Variants in DARS1 observed in about 807,000 individuals in gnomAD.
DARS1 encodes aspartyl-tRNA synthetase 1, also known as aspartate--tRNA ligase, cytoplasmic.
DARS1 carries 51 observed loss-of-function variants against 68.8 expected under a neutral mutation model. The observed-to-expected ratio is 0.74, with a 90% CI of 0.59 to 0.94. The LOEUF is 0.94. Ranked by LOEUF, DARS1 falls within the 40% of genes least tolerant of loss-of-function variation. The pLI, the probability that DARS1 is intolerant of heterozygous loss-of-function variation, is 0.00. For synonymous variants in DARS1, 203 were observed against 190.4 expected (o/e 1.07, Z -0.55); for missense variants, 607 against 597.3 (o/e 1.02, Z -0.17).
At chr2:135,924,230 T>C (rs547646431) in intron 8 of DARS1, among the ~76,000 whole-genome samples, 157 bp downstream of exon 8, 37 of 152,314 alleles carry the variant, frequency 2.4e-4, no homozygotes, top group Middle Eastern at 3.4e-3. Flanking sequence ...TGATATATGA[T>C]TGTTGCTATA....
Position 135,977,147 on chromosome 2 carries a change from A to G in DARS1, c.217+2127T>C, listed in dbSNP as rs193231183. Among the ~76,000 whole-genome samples, 20 of 152,338 alleles carry G rather than the reference A, an allele frequency of 1.3e-4. No homozygotes were observed. In the East Asian group the frequency reaches 3.1e-3, roughly 23 times the overall value. Reference sequence around the variant, plus strand: ...CTGTCATGCTCATTAACATGACTCAATTATCGAAGGCTTACACTGCACCAA... The same window carrying G: ...CTGTCATGCTCATTAACATGACTCAGTTATCGAAGGCTTACACTGCACCAA... On this transcript the variant is annotated intron_variant, in intron 3 of 15. Coordinates refer to ENST00000264161, the MANE Select transcript of DARS1 (RefSeq NM_001349.4).
chr2:135,932,546 CATTT>C (rs1681374544), intron 7 of DARS1, among the ~76,000 whole-genome samples: 1 of 152,144 alleles, frequency 6.6e-6, no homozygotes, highest in African/African-American at 2.4e-5. Context: ...GCTTCAAATT[CATTT>C]GTCATTTTAA....
intron 7 of DARS1, among the ~76,000 whole-genome samples, chr2:135,928,348 T>G (rs991418408): frequency 1.3e-5 from 2 of 152,168 alleles, no homozygotes; most frequent in African/African-American, 4.8e-5. Flanking sequence ...ATACCTGATT[T>G]AATTCCAAAG....
At chr2:135,954,324 C>CCAAAAAAAAAAAAAAAAAAAAAAAAA (rs1575399665) in intron 4 of DARS1, among the ~76,000 whole-genome samples, 1 of 101,414 alleles carries the variant, frequency 9.9e-6, no homozygotes, top group Non-Finnish European at 1.9e-5. Flanking sequence ...AAAAACAAAA[C>CCAAAAAAAAAAAAAAAAAAAAAAAAA]CAAAAAAAAA....
chr2:135,924,120 G>A (rs1681163264), intron 8 of DARS1, among the ~76,000 whole-genome samples: 1 of 152,140 alleles, frequency 6.6e-6, no homozygotes, highest in South Asian at 2.1e-4. Flanking sequence ...CCTGGTGTAA[G>A]TTCTGTAACA....
chr2:135,920,424 T>C (rs1226241968), intron 10 of DARS1, 29 bp downstream of exon 10: 1 of 1,570,000 alleles, frequency 6.4e-7, no homozygotes, highest in East Asian at 2.3e-5. Flanking sequence ...TGAAATTAAG[T>C]CCATCTAGGT....
intron 7 of DARS1, among the ~76,000 whole-genome samples, chr2:135,928,973 T>TG (rs1681284651): frequency 6.6e-6 from 1 of 152,184 alleles, no homozygotes; most frequent in African/African-American, 2.4e-5. Flanking sequence ...TGCTATTATA[T>TG]TACATATAAT....
intron 3 of DARS1, among the ~76,000 whole-genome samples, chr2:135,963,376 T>G (rs1254427556): frequency 3.5e-5 from 5 of 141,552 alleles, no homozygotes; most frequent in Non-Finnish European, 6.1e-5. Context: ...ATTAATGACT[T>G]TTTTTTTTTT....
chr2:135,979,335 T>C lies in DARS1; in HGVS notation c.156A>G (p.Thr52=). ...DRVLVRVRDL[T]IQKADEVVWV... is the part of the protein sequence containing the mutation. ...AAACAACTTCATCAGCTTTTTGTAT[T>C]GTCAAGTCTCTAACCCGAACCAAAA... The change falls in exon 3 of 16, where the codon ACA becomes ACG. Residue 52 remains threonine, a synonymous_variant. Transcript: ENST00000264161. The C allele has an allele frequency of 6.7e-7, 1 of 1,497,906 alleles. No individual in the cohort carries two copies. Among genetic ancestry groups the C allele is most frequent in the Non-Finnish European group, 9.3e-7 (1 of 1,073,602 alleles). 92.8% of individuals were successfully genotyped at this position (1,497,906 alleles called of 1,614,324 possible). A position where few individuals can be genotyped will look rare whatever the true frequency, so the allele number is the denominator to read the frequency against.
At chr2:135,963,120 T>TCGG (rs948433131) in intron 3 of DARS1, among the ~76,000 whole-genome samples, 3 of 152,112 alleles carry the variant, frequency 2.0e-5, no homozygotes, top group African/African-American at 7.2e-5. Flanking sequence ...AGTCTATGGG[T>TCGG]CGGCACTAGG....
chr2:135,953,939 T>C (rs951343615), intron 4 of DARS1, among the ~76,000 whole-genome samples: 2 of 151,302 alleles, frequency 1.3e-5, no homozygotes, highest in Non-Finnish European at 1.5e-5. Context: ...TTTTTTTTTG[T>C]AGCGACAGGG....
At chr2:135,936,330 A>C (rs1241392834) in intron 5 of DARS1, among the ~76,000 whole-genome samples, 3 of 152,248 alleles carry the variant, frequency 2.0e-5, no homozygotes, top group Non-Finnish European at 4.4e-5. Context: ...CTAGACAATA[A>C]GAATATCTTA....
chr2:135,961,804 GATTT>G (rs1456282901), intron 3 of DARS1, among the ~76,000 whole-genome samples: 2 of 152,268 alleles, frequency 1.3e-5, no homozygotes, highest in African/African-American at 2.4e-5. Flanking sequence ...TCATTGCATT[GATTT>G]ATTAAACAAA....
chr2:135,954,325 C>CAAAA (rs1172207033), intron 4 of DARS1, among the ~76,000 whole-genome samples: 25 of 81,414 alleles, frequency 3.1e-4, no homozygotes, highest in African/African-American at 5.2e-4. Flanking sequence ...AAAACAAAAC[C>CAAAA]AAAAAAAAAA....
intron 3 of DARS1, among the ~76,000 whole-genome samples, chr2:135,974,528 G>C (rs911882007): frequency 6.6e-6 from 1 of 152,168 alleles, no homozygotes; most frequent in Non-Finnish European, 1.5e-5. Flanking sequence ...ATCTCCTCCT[G>C]ACAAACAGAA....
rs780058506 is a variant in DARS1 at position 135,985,438 on chromosome 2, G to C, written c.31C>G (p.Gln11Glu). 2 of 1,613,896 alleles carry C rather than the reference G, an allele frequency of 1.2e-6. No homozygotes were observed. Among genetic ancestry groups the C allele is most frequent in the Non-Finnish European group, 1.7e-6 (2 of 1,179,988 alleles). ...TCCATGATCTCCCGCGGCTTCTCCT[G>C]ACTCTTGCGGCTGGCGCTGGCGCTG... MPSASASRKS[Q>E]EKPREIMDAA... is the part of the protein sequence containing the mutation. The change falls in exon 1 of 16, where the codon CAG (glutamine) becomes GAG (glutamate). Residue 11 changes from glutamine to glutamate, a missense_variant. Gln to Glu is a conservative substitution (Grantham distance 29). Transcript: ENST00000264161.
At chr2:135,911,581 G>C in intron 13 of DARS1, 88 bp from the exon 14 acceptor site, 1 of 668,962 alleles carries the variant, frequency 1.5e-6, no homozygotes, top group Non-Finnish European at 2.7e-6. Flanking sequence ...TGCATGAAGA[G>C]CAAGTTCATT....
rs1456763200 is a variant in DARS1, at chr2:135,907,344, G to A, written c.1478C>T (p.Pro493Leu). The A allele has an allele frequency of 2.5e-6, 4 of 1,602,502 alleles. No individual in the cohort carries two copies. Among genetic ancestry groups the A allele is most frequent in the Admixed American group, 1.7e-5 (1 of 59,176 alleles). The change falls in exon 16 of 16, where the codon CCT (proline) becomes CTT (leucine). Residue 493 changes from proline (P) to leucine (L), a missense_variant. Pro to Leu is a moderately conservative substitution (Grantham distance 98, BLOSUM62 -3). Coordinates refer to ENST00000264161, the MANE Select transcript of DARS1 (RefSeq NM_001349.4). ...LHNVRQTSMF[P>L]RDPKRLTP ...AGGAGTGAGTCGTTTGGGATCACGA[G>A]GGAACATGGAGGTCTGACGAACATT...
Position 135,911,427 on chromosome 2 carries a change from G to T in DARS1, c.1297C>A (p.His433Asn). 1 of 1,075,200 alleles carries T rather than the reference G, an allele frequency of 9.3e-7. No individual in the cohort carries two copies. Among genetic ancestry groups the T allele is most frequent in the Non-Finnish European group, 1.5e-6 (1 of 687,034 alleles). 66.6% of individuals were successfully genotyped at this position (1,075,200 alleles called of 1,614,324 possible). A position where few individuals can be genotyped will look rare whatever the true frequency, so the allele number is the denominator to read the frequency against. Residue 433 changes from histidine to asparagine, a missense_variant, in exon 14 of 16, where the codon CAT becomes AAT. Coordinates refer to ENST00000264161, the MANE Select transcript of DARS1 (RefSeq NM_001349.4). ...CTCTCTGTTAGCAGTTGAGGATCAT[G>T]TATTCTTTGAGCTCCTGACAATATT... ...EEILSGAQRI[H>N]DPQLLTERAL...
Sources: gnomAD v4.1 joint callset for allele counts (sites outside exome capture counted in the v4.1 genomes callset) on GRCh38, gnomAD v4.1.1 for gene constraint, MANE v1.5 for transcripts, NCBI Gene and HGNC (gene_info 2026-07-23, HGNC 2026-07-21) for gene names.